XPO7: variants seen among roughly 807,000 people sequenced by gnomAD.
XPO7 encodes exportin 7, also known as exportin-7.
XPO7 carries 21 observed loss-of-function variants against 144.3 expected under a neutral mutation model. The observed-to-expected ratio is 0.15, with a 90% CI of 0.10 to 0.21. XPO7 has a LOEUF of 0.21. XPO7 is among the 10% of genes least tolerant of loss of function. The pLI, the probability that XPO7 is intolerant of heterozygous loss-of-function variation, is 1.00. For synonymous variants in XPO7, 580 were observed against 499.6 expected (o/e 1.16, Z -2.15); for missense variants, 808 against 1,325.8 (o/e 0.61, Z 6.06).
At chr8:22,000,190 T>C (rs779407634) in intron 24 of XPO7, among the ~76,000 whole-genome samples, 4 of 152,118 alleles carry the variant, frequency 2.6e-5, no homozygotes, top group Non-Finnish European at 5.9e-5. Flanking sequence ...CTTGCACCTG[T>C]AGGCAAGAAA....
At chr8:21,966,386 A>G in intron 1 of XPO7, 1 of 753,242 alleles carries the variant, frequency 1.3e-6, no homozygotes, top group South Asian at 1.4e-5. Context: ...CATATACATT[A>G]TTGTAAGCTA....
rs572729445 is a variant in XPO7, at chr8:21,964,976, G to T, written c.19-1881G>T. 6.6e-5 allele frequency among the ~76,000 whole-genome samples: 10 copies of T among 152,330 alleles called. No homozygotes were observed. The South Asian group carries it at 1.7e-3, about 25-fold the overall frequency. ...CATCAGGACTGTTCAGGGAGTGTCT[G>T]TTCAGGATGTTGGAAAGCTCAAAGT... On this transcript the variant is annotated intron_variant, in intron 1 of 27. Transcript: ENST00000252512.
intron 5 of XPO7, among the ~76,000 whole-genome samples, chr8:21,972,648 C>T (rs1812104684): frequency 6.6e-6 from 1 of 152,094 alleles, no homozygotes; most frequent in Non-Finnish European, 1.5e-5. Context: ...TTTCTTTTGT[C>T]CTGGCTATAT....
chr8:21,980,471 G>T (rs1563330674), intron 9 of XPO7, among the ~76,000 whole-genome samples: 1 of 152,080 alleles, frequency 6.6e-6, no homozygotes, highest in Non-Finnish European at 1.5e-5. Flanking sequence ...TTCCCCCCAA[G>T]AAGTTAAGAC....
At chr8:21,997,844 TGGG>T (rs759171457) in intron 21 of XPO7, among the ~76,000 whole-genome samples, 1 of 151,700 alleles carries the variant, frequency 6.6e-6, no homozygotes, top group Non-Finnish European at 1.5e-5. Context: ...TTCAGTGTGG[TGGG>T]GGGGAGGAAG....
At chr8:21,961,341 T>G (rs1465612520) in intron 1 of XPO7, among the ~76,000 whole-genome samples, 1 of 151,636 alleles carries the variant, frequency 6.6e-6, no homozygotes, top group East Asian at 2.0e-4. Flanking sequence ...TCTTGCATAC[T>G]TGGGATGACA....
chr8:21,929,297 A>C (rs552877911), intron 1 of XPO7, among the ~76,000 whole-genome samples: 2 of 152,378 alleles, frequency 1.3e-5, no homozygotes, highest in East Asian at 3.9e-4. Flanking sequence ...CTGGATGTCG[A>C]TAAAAATAAG....
At chr8:21,981,586 G>A in intron 9 of XPO7, 145 bp from the exon 10 acceptor site, 2 of 945,142 alleles carry the variant, frequency 2.1e-6, no homozygotes, top group Non-Finnish European at 3.1e-6. Context: ...ACATTATGCA[G>A]ACGTATCATT....
intron 21 of XPO7, 142 bp downstream of exon 21, chr8:21,995,741 T>C: frequency 1.6e-6 from 1 of 614,972 alleles, no homozygotes; most frequent in South Asian, 2.7e-5. Flanking sequence ...TGTGTTTTTG[T>C]TTGTGTGAAA....
rs539616226 is a variant in XPO7 at position 21,994,290 on chromosome 8, T to A, written c.2149-73T>A. 303 of 1,089,654 alleles carry A rather than the reference T, an allele frequency of 2.8e-4. No homozygotes were observed. The African/African-American group carries it at 4.2e-3, about 15-fold the overall frequency. The allele number at this position is 1,089,654 out of a possible 1,614,324, so 67.5% of individuals were successfully genotyped here. Reference sequence around the variant, plus strand: ...GAGAGAAAGAATTTGATGATACATGTGTGGAATCCTCATCAGATTGTTACA... The same window carrying A: ...GAGAGAAAGAATTTGATGATACATGAGTGGAATCCTCATCAGATTGTTACA... On this transcript the variant is annotated intron_variant, in intron 19 of 27. Transcript: ENST00000252512.
At chr8:21,937,575 A>G (rs898494461) in intron 1 of XPO7, among the ~76,000 whole-genome samples, 11 of 152,152 alleles carry the variant, frequency 7.2e-5, no homozygotes, top group Non-Finnish European at 1.5e-4. Context: ...CATCTACAAC[A>G]GCTGCCATTT....
chr8:21,938,503 C>T (rs1190490257), intron 1 of XPO7, among the ~76,000 whole-genome samples: 2 of 152,156 alleles, frequency 1.3e-5, no homozygotes, highest in African/African-American at 4.8e-5. Context: ...TCAATTTTCT[C>T]ACCATTTTTC....
chr8:21,990,229 A>T, intron 16 of XPO7, 115 bp from the exon 17 acceptor site: 2 of 1,057,894 alleles, frequency 1.9e-6, no homozygotes, highest in South Asian at 2.8e-5. Context: ...ATACTCAAGT[A>T]TTTTTTAAAA....
Position 21,919,729 on chromosome 8 carries a change from TGGGGGGGAGGGGGGG to T in XPO7, c.-41_-27del. The T allele has an allele frequency of 4.1e-6, 1 of 241,956 alleles. No homozygotes were observed. Among genetic ancestry groups the T allele is most frequent in the Non-Finnish European group, 7.0e-6 (1 of 142,680 alleles). 15.0% of individuals were successfully genotyped at this position (241,956 alleles called of 1,614,324 possible). A position where few individuals can be genotyped will look rare whatever the true frequency, so the allele number is the denominator to read the frequency against. ...CAGCGGCTCCGGCCGAGGTGCGCGC[TGGGGGGGAGGGGGGG>T]CCGGAGAGGAGCATGAATGGAGCAA... On this transcript the variant is annotated 5_prime_UTR_variant, in exon 1 of 28. Transcript: ENST00000252512.
intron 1 of XPO7, among the ~76,000 whole-genome samples, chr8:21,945,226 G>A (rs951917633): frequency 2.0e-5 from 3 of 152,208 alleles, no homozygotes; most frequent in Non-Finnish European, 4.4e-5. Flanking sequence ...GTGGCGGCCG[G>A]GCGGGGGCTG....
intron 1 of XPO7, among the ~76,000 whole-genome samples, chr8:21,955,250 T>C (rs1027278363): frequency 1.3e-5 from 2 of 152,230 alleles, no homozygotes; most frequent in Non-Finnish European, 2.9e-5. Context: ...AACTTTCTTT[T>C]TTATGAAGAA....
intron 1 of XPO7, among the ~76,000 whole-genome samples, chr8:21,950,820 T>G (rs1157235510): frequency 2.6e-5 from 4 of 152,252 alleles, no homozygotes; most frequent in African/African-American, 9.6e-5. Flanking sequence ...ACCGTAAATT[T>G]ATATAGAAAA....
chr8:21,991,777 G>T, intron 18 of XPO7, 91 bp from the exon 19 acceptor site: 1 of 956,584 alleles, frequency 1.0e-6, no homozygotes, highest in South Asian at 2.1e-5. Flanking sequence ...GAGTTCCCCT[G>T]GGTTTGCTCC....
chr8:21,967,768 A>C (rs538708894), intron 2 of XPO7, among the ~76,000 whole-genome samples: 1 of 152,308 alleles, frequency 6.6e-6, no homozygotes, highest in East Asian at 1.9e-4. Flanking sequence ...AAATTACAGG[A>C]GATTGTAGGA....
Sources: allele counts gnomAD v4.1 joint callset (sites outside exome capture counted in the v4.1 genomes callset), GRCh38; gene constraint gnomAD v4.1.1; transcripts MANE v1.5; gene names NCBI Gene and HGNC (gene_info 2026-07-23, HGNC 2026-07-21).